The following DPH5 variants were observed in gnomAD, a reference collection of about 807,000 sequenced individuals.
DPH5 encodes diphthine methyl ester synthase.
DPH5 carries 31 observed loss-of-function variants against 31.6 expected under a neutral mutation model. The ratio of observed to expected loss-of-function variants is 0.98; its 90% CI spans 0.74 to 1.32. DPH5 has a LOEUF of 1.32. Among genes scored for constraint, DPH5 ranks in the 40% most tolerant of loss-of-function variants. The pLI is 0.00. For missense variants in DPH5, 309 were observed against 335.7 expected (o/e 0.92, Z 0.62); for synonymous variants, 120 against 115.0 (o/e 1.04, Z -0.28).
intron 4 of DPH5, among the ~76,000 whole-genome samples, chr1:101,012,258 TTTG>T (rs765196536): frequency 3.3e-5 from 5 of 152,166 alleles, no homozygotes; most frequent in African/African-American, 7.2e-5. Flanking sequence ...TCTGCCTTAT[TTTG>T]TTGTTGTTTT....
intron 7 of DPH5, 52 bp downstream of exon 7, chr1:100,992,585 T>G (rs1657859103): frequency 7.5e-6 from 10 of 1,328,138 alleles, no homozygotes; most frequent in East Asian, 2.3e-5. Flanking sequence ...TATACACATC[T>G]AAATGTAGTA....
intron 2 of DPH5, chr1:101,022,863 T>TA (rs1660557998): frequency 6.6e-6 from 1 of 152,140 alleles, no homozygotes; most frequent in African/African-American, 2.4e-5. Context: ...TATCTATCCT[T>TA]AAGAATACAG....
At chr1:101,017,529 G>A (rs192458085) in intron 3 of DPH5, among the ~76,000 whole-genome samples, 6 of 152,234 alleles carry the variant, frequency 3.9e-5, no homozygotes, top group African/African-American at 7.2e-5. Context: ...AAATGTAACC[G>A]CTTATCAATT....
intron 4 of DPH5, among the ~76,000 whole-genome samples, chr1:101,009,225 T>G (rs905242148): frequency 1.3e-5 from 2 of 152,170 alleles, no homozygotes; most frequent in Non-Finnish European, 2.9e-5. Context: ...ATTCTATGAT[T>G]AATCTATGGT....
At chr1:101,020,325 TAC>T (rs1234065698) in intron 3 of DPH5, among the ~76,000 whole-genome samples, 1 of 152,162 alleles carries the variant, frequency 6.6e-6, no homozygotes, top group African/African-American at 2.4e-5. Context: ...GTCCTCATCT[TAC>T]AGTCAAACTT....
At chr1:101,024,983 C>T (rs1022358836) in intron 2 of DPH5, 7 of 238,806 alleles carry the variant, frequency 2.9e-5, no homozygotes, top group Non-Finnish European at 4.1e-5. Context: ...TCCTCATTAG[C>T]ACTCAACTCA....
chr1:100,996,085 T>C (rs898688323), intron 5 of DPH5: 1 of 152,200 alleles, frequency 6.6e-6, no homozygotes, highest in African/African-American at 2.4e-5. Context: ...GGAACCAGCA[T>C]TGAAAGCCTT....
chr1:101,017,786 A>G (rs1660178147), intron 3 of DPH5, among the ~76,000 whole-genome samples: 1 of 152,258 alleles, frequency 6.6e-6, no homozygotes, highest in African/African-American at 2.4e-5. Flanking sequence ...AACTGGTATG[A>G]AAAATAATCA....
At chr1:101,018,237 G>C (rs1201073560) in intron 3 of DPH5, among the ~76,000 whole-genome samples, 1 of 143,978 alleles carries the variant, frequency 6.9e-6, no homozygotes, top group Non-Finnish European at 1.5e-5. Context: ...TACAAAATTT[G>C]ATTTTTTTTT....
chr1:100,990,721 C>T, intron 7 of DPH5, 90 bp from the exon 8 acceptor site: 1 of 1,191,410 alleles, frequency 8.4e-7, no homozygotes, highest in East Asian at 2.5e-5. Context: ...AAGTACATTT[C>T]AAGAAGCCCC....
At chr1:101,001,344 G>C in intron 5 of DPH5, 123 bp downstream of exon 5, 1 of 920,826 alleles carries the variant, frequency 1.1e-6, no homozygotes, top group South Asian at 1.9e-5. Flanking sequence ...GGTCTGCATA[G>C]AATGGCTAGA....
intron 3 of DPH5, among the ~76,000 whole-genome samples, chr1:101,019,983 C>CA (rs1345941877): frequency 6.6e-6 from 1 of 152,088 alleles, no homozygotes; most frequent in Non-Finnish European, 1.5e-5. Context: ...AAGAATATTA[C>CA]AAAACACTTA....
At chr1:100,995,928 A>C (rs1658309191) in intron 5 of DPH5, 1 of 152,248 alleles carries the variant, frequency 6.6e-6, no homozygotes, top group African/African-American at 2.4e-5. Flanking sequence ...TTTTTGCAAA[A>C]ATAAACATAG....
At chr1:101,003,738 A>G (rs952167137) in intron 4 of DPH5, among the ~76,000 whole-genome samples, 1 of 152,172 alleles carries the variant, frequency 6.6e-6, no homozygotes, top group Non-Finnish European at 1.5e-5. Flanking sequence ...TCCTGCTTTA[A>G]TCCAACTGCT....
chr1:101,011,819 G>T (rs1330921921), intron 4 of DPH5, among the ~76,000 whole-genome samples: 1 of 150,914 alleles, frequency 6.6e-6, no homozygotes, highest in African/African-American at 2.4e-5. Flanking sequence ...TGTCCTATTA[G>T]CTTAAGGTTT....
At chr1:100,998,670 T>C (rs1329637852) in intron 5 of DPH5, among the ~76,000 whole-genome samples, 1 of 152,200 alleles carries the variant, frequency 6.6e-6, no homozygotes, top group Non-Finnish European at 1.5e-5. Context: ...ATTTAGTGCC[T>C]ACACTGTGCT....
intron 4 of DPH5, among the ~76,000 whole-genome samples, chr1:101,003,514 A>C (rs928314290): frequency 6.6e-6 from 1 of 152,224 alleles, no homozygotes; most frequent in Non-Finnish European, 1.5e-5. Context: ...TTAATCATGG[A>C]CAAGTCAAGT....
At chr1:100,992,496 G>T (rs1341613238) in intron 7 of DPH5, 141 bp downstream of exon 7, 3 of 563,618 alleles carry the variant, frequency 5.3e-6, no homozygotes, top group Admixed American at 7.3e-5. Context: ...TTAAGTTAAA[G>T]TTGGACAAAA....
At chr1:100,993,198 G>T (rs61780328) in intron 6 of DPH5, among the ~76,000 whole-genome samples, 16,823 of 151,998 alleles carry the variant, frequency 0.11, 1,102 homozygotes, top group Non-Finnish European at 0.15. Context: ...GATGGCATAC[G>T]TTTATTTCTG....
Sources: allele counts gnomAD v4.1 joint callset (sites outside exome capture counted in the v4.1 genomes callset), GRCh38; gene constraint gnomAD v4.1.1; transcripts MANE v1.5; gene names NCBI Gene and HGNC (gene_info 2026-07-23, HGNC 2026-07-21).